PYY: variants seen among roughly 807,000 people sequenced by gnomAD.
PYY encodes the protein peptide YY, also known as peptide tyrosine tyrosine.
Under a neutral mutation model 10.3 loss-of-function variants are expected in PYY, and 12 were observed. The observed-to-expected ratio is 1.17, with a 90% confidence interval of 0.75 to 1.89. The LOEUF (loss-of-function observed/expected upper bound fraction) is 1.89. PYY is among the 40% of genes most tolerant of loss of function. PYY has a pLI of 0.00. For synonymous variants in PYY, 66 were observed against 62.0 expected, an observed-to-expected ratio of 1.06 and a Z score of -0.30; for missense variants, 141 against 134.0, an observed-to-expected ratio of 1.05 and a Z score of -0.26.
At chr17:43,954,773 A>G (rs1367113879), upstream of PYY, among the ~76,000 whole-genome samples, 1 of 152,222 alleles carries the variant, frequency 6.6e-6, no homozygotes, top group Non-Finnish European at 1.5e-5. Context: ...CTTCCCAGGC[A>G]CATGCCACTG....
intron 1 of PYY, among the ~76,000 whole-genome samples, chr17:43,989,365 C>T (rs2048937782): frequency 6.6e-6 from 1 of 151,276 alleles, no homozygotes; most frequent in Admixed American, 6.6e-5. Flanking sequence ...CAGAGCAAGA[C>T]TCCGTCTCAA....
At chr17:44,004,218 G>A (rs1430323233) in intron 1 of PYY, among the ~76,000 whole-genome samples, 2 of 150,986 alleles carry the variant, frequency 1.3e-5, no homozygotes, top group Admixed American at 1.3e-4. Context: ...GACAAGGCCA[G>A]CACCACCCGC....
chr17:43,990,387 C>T (rs534783324), intron 1 of PYY, among the ~76,000 whole-genome samples: 3 of 147,252 alleles, frequency 2.0e-5, no homozygotes, highest in African/African-American at 7.6e-5. Flanking sequence ...TGTAGTGAGC[C>T]GAGATCGCAC....
At position 43,953,498 on chromosome 17, in the gene PYY, T is replaced by C. The variant is rs370516187; in HGVS notation, c.1-15A>G. The C allele has an allele frequency of 3.1e-5, 49 of 1,576,218 alleles. No homozygotes were observed. The highest frequency in any genetic ancestry group is 1.8e-4 in the African/African-American group (13 of 73,866). ...ACGAACACCATCTGGGAAGGCGACATTGGGACGTGGGTCATTCCAAGCCTC... is the reference window on the plus strand; with the variant it reads ...ACGAACACCATCTGGGAAGGCGACACTGGGACGTGGGTCATTCCAAGCCTC... On this transcript the variant is annotated splice_polypyrimidine_tract_variant and intron_variant, in intron 1 of 3. Coordinates refer to ENST00000692052, the MANE Select transcript of PYY (RefSeq NM_001394028.1).
At chr17:43,972,335 C>G (rs2048800276) in intron 1 of PYY, among the ~76,000 whole-genome samples, 1 of 151,298 alleles carries the variant, frequency 6.6e-6, no homozygotes, top group Admixed American at 6.6e-5. Context: ...GTCTTAGCCT[C>G]CTGAATAGCT....
intron 2 of PYY, among the ~76,000 whole-genome samples, chr17:43,961,611 G>A (rs956924399): frequency 6.6e-6 from 1 of 152,078 alleles, no homozygotes; most frequent in African/African-American, 2.4e-5. Context: ...CGCAATCTCA[G>A]CTCACTGCAA....
At chr17:43,978,803 C>T (rs949104575) in intron 1 of PYY, among the ~76,000 whole-genome samples, 15 of 152,328 alleles carry the variant, frequency 9.8e-5, no homozygotes, top group African/African-American at 3.1e-4. Flanking sequence ...CTCCCACTCC[C>T]ACCCCTTGGC....
intron 1 of PYY, among the ~76,000 whole-genome samples, chr17:43,978,347 A>G (rs1322700275): frequency 6.6e-6 from 1 of 151,720 alleles, no homozygotes; most frequent in Non-Finnish European, 1.5e-5. Context: ...GAAAGGAAGG[A>G]AAAGAGAGAG....
At chr17:43,980,225 A>G (rs2048873927) in intron 1 of PYY, among the ~76,000 whole-genome samples, 1 of 138,122 alleles carries the variant, frequency 7.2e-6, no homozygotes, top group Non-Finnish European at 1.5e-5. Context: ...GTGCAATGGC[A>G]CAATCTCAGC....
At chr17:44,000,406 G>C (rs2049018061) in intron 1 of PYY, among the ~76,000 whole-genome samples, 1 of 152,064 alleles carries the variant, frequency 6.6e-6, no homozygotes, top group Non-Finnish European at 1.5e-5. Context: ...AGATGGCACT[G>C]TCAAGAGGTC....
At chr17:43,973,849 T>C (rs1331754641) in intron 1 of PYY, among the ~76,000 whole-genome samples, 2 of 152,144 alleles carry the variant, frequency 1.3e-5, no homozygotes, top group African/African-American at 4.8e-5. Context: ...CAAAAACAAG[T>C]TGACCTTTTT....
intron 1 of PYY, among the ~76,000 whole-genome samples, chr17:43,972,332 C>A (rs1317337092): frequency 6.6e-6 from 1 of 151,324 alleles, no homozygotes; most frequent in African/African-American, 2.4e-5. Context: ...CCTGTCTTAG[C>A]CTCCTGAATA....
intron 1 of PYY, among the ~76,000 whole-genome samples, chr17:43,989,241 G>A (rs1330138743): frequency 6.6e-6 from 1 of 152,036 alleles, no homozygotes. Context: ...GGGCGTGGTG[G>A]CGGGCGCCTG....
intron 1 of PYY, among the ~76,000 whole-genome samples, chr17:43,997,107 C>T (rs1026505835): frequency 2.0e-5 from 3 of 152,018 alleles, no homozygotes; most frequent in Admixed American, 6.6e-5. Flanking sequence ...GGCATGATCT[C>T]GACTCACTGC....
At chr17:43,958,237 A>T (rs1195280863), upstream of PYY, among the ~76,000 whole-genome samples, 3 of 151,414 alleles carry the variant, frequency 2.0e-5, no homozygotes, top group Admixed American at 6.6e-5. Context: ...CATGTCATAA[A>T]ATTTTTTTAG....
intron 2 of PYY, among the ~76,000 whole-genome samples, chr17:43,965,253 G>C (rs1313709403): frequency 1.3e-5 from 2 of 151,944 alleles, no homozygotes; most frequent in Non-Finnish European, 2.9e-5. Context: ...AGCCGAGGAG[G>C]GTGGATCACT....
At chr17:43,991,596 C>T (rs962671150) in intron 1 of PYY, among the ~76,000 whole-genome samples, 1 of 152,160 alleles carries the variant, frequency 6.6e-6, no homozygotes, top group Non-Finnish European at 1.5e-5. Context: ...CCACAACATA[C>T]GTCTTCCTGA....
At chr17:43,997,309 G>C (rs2048998127) in intron 1 of PYY, among the ~76,000 whole-genome samples, 1 of 152,140 alleles carries the variant, frequency 6.6e-6, no homozygotes, top group African/African-American at 2.4e-5. Flanking sequence ...GAAGTGCTGA[G>C]ATTACAGGCA....
At chr17:43,971,736 T>A (rs2048795366) in intron 1 of PYY, among the ~76,000 whole-genome samples, 1 of 151,908 alleles carries the variant, frequency 6.6e-6, no homozygotes, top group Non-Finnish European at 1.5e-5. Context: ...TGAAGGGTTC[T>A]TTATATATTC....
Sources: allele counts gnomAD v4.1 joint callset (sites outside exome capture counted in the v4.1 genomes callset), GRCh38; gene constraint gnomAD v4.1.1; transcripts MANE v1.5; gene names NCBI Gene and HGNC (gene_info 2026-07-23, HGNC 2026-07-21).